Variants in CYP2B6 observed in about 807,000 individuals in gnomAD.
The protein encoded by CYP2B6 is cytochrome P450 2B6.
CYP2B6 carries 35 observed loss-of-function variants against 43.4 expected under a neutral mutation model. That is an observed-to-expected ratio of 0.81 (90% CI 0.62 to 1.07). CYP2B6 has a LOEUF of 1.07. Ranked by LOEUF, CYP2B6 falls within the 50% of genes least tolerant of loss-of-function variation. The pLI is 0.00. For missense variants in CYP2B6, 624 were observed against 632.8 expected, an observed-to-expected ratio of 0.99 and a Z score of 0.15; for synonymous variants, 239 against 239.2, an observed-to-expected ratio of 1.00 and a Z score of 0.01.
intron 3 of CYP2B6, 131 bp from the exon 4 acceptor site, chr19:41,006,774 T>C: frequency 2.4e-6 from 2 of 838,342 alleles, no homozygotes; most frequent in Non-Finnish European, 3.9e-6. Context: ...TGCTGGTACA[T>C]AATTAGCTGT....
intron 5 of CYP2B6, chr19:41,009,648 G>C: frequency 3.3e-6 from 2 of 611,752 alleles, no homozygotes; most frequent in Non-Finnish European, 5.8e-6. Context: ...AAAGACAGAG[G>C]GAGAGAGAGA....
intron 6 of CYP2B6, among the ~76,000 whole-genome samples, chr19:41,010,472 G>T (rs1230086082): frequency 1.4e-5 from 2 of 148,078 alleles, no homozygotes; most frequent in Admixed American, 6.7e-5. Context: ...GGAGTGCAGT[G>T]GCATGCTCTT....
chr19:41,012,452 A>G lies in CYP2B6; in HGVS notation c.1119A>G (p.Gln373=), dbSNP rs1348679853. 1.2e-6 allele frequency: 2 copies of G among 1,613,994 alleles called. No individual in the cohort carries two copies. The highest frequency in any genetic ancestry group is 1.7e-6 in the Non-Finnish European group (2 of 1,179,990). Residue 373 remains glutamine, a synonymous_variant, in exon 7 of 9, where the codon CAA becomes CAG. Transcript: ENST00000324071. ...TGGGTGTGCCCCACATTGTCACCCA[A>G]CACACCAGCTTCCGAGGGTACATCA... is the stretch of plus-strand genomic sequence containing the variant. ...LPMGVPHIVT[Q]HTSFRGYIIP...
chr19:41,003,542 T>C (rs1029133214), intron 1 of CYP2B6, among the ~76,000 whole-genome samples: 1 of 152,300 alleles, frequency 6.6e-6, no homozygotes, highest in Admixed American at 6.5e-5. Context: ...ATAAGAAGTA[T>C]GCGGTGGGGG....
intron 8 of CYP2B6, among the ~76,000 whole-genome samples, chr19:41,013,506 A>C (rs910613341): frequency 1.3e-5 from 2 of 152,230 alleles, no homozygotes; most frequent in Non-Finnish European, 1.5e-5. Flanking sequence ...AACAGCAAGG[A>C]CAAAGGCCAA....
In CYP2B6 at chr19:41,012,417, C is replaced by A. The variant is rs1969299129; in HGVS notation, c.1084C>A (p.Leu362Ile). ...CTATGAGATTCAGAGATTTTCCGAC[C>A]TTCTCCCCATGGGTGTGCCCCACAT... ...VIYEIQRFSD[L>I]LPMGVPHIVT... Residue 362 changes from leucine to isoleucine, a missense_variant, in exon 7 of 9, where the codon CTT becomes ATT. Transcript: ENST00000324071. 1.9e-6 allele frequency: 3 copies of A among 1,613,976 alleles called. No homozygotes were observed. The South Asian group carries it at 3.3e-5, about 18-fold the overall frequency.
At chr19:41,006,326 T>TG (rs386389038) in intron 3 of CYP2B6, among the ~76,000 whole-genome samples, 8 of 3,050 alleles carry the variant, frequency 2.6e-3, no homozygotes, top group African/African-American at 7.3e-3. Flanking sequence ...TCTAGCTACA[T>TG]TTTTTTTTTT....
Position 41,004,152 on chromosome 19 carries a change from T to C in CYP2B6, c.323T>C (p.Phe108Ser), listed in dbSNP as rs1969137931. ...AAAATCGCCATGGTCGACCCATTCT[T>C]CCGGGGATATGGTGAGAGCCTCAGA... The part of the protein sequence containing the change: ...RGKIAMVDPF[F>S]RGYGVIFANG... Residue 108 changes from phenylalanine to serine, a missense_variant, in exon 2 of 9, where the codon TTC becomes TCC. Transcript: ENST00000324071. The C allele has an allele frequency of 7.4e-7, 1 of 1,354,356 alleles. No homozygotes were observed. 83.9% of individuals were successfully genotyped at this position (1,354,356 alleles called of 1,614,324 possible).
intron 5 of CYP2B6, chr19:41,009,705 C>T (rs1969248065): frequency 3.4e-6 from 2 of 595,044 alleles, no homozygotes; most frequent in East Asian, 5.7e-5. Flanking sequence ...AAAAATACAG[C>T]AACAAGAGAA....
rs112848152 is a variant in CYP2B6 at position 41,010,047 on chromosome 19, G to T, written c.876G>T (p.Thr292=). The T allele has an allele frequency of 6.9e-5, 111 of 1,614,060 alleles. 1 individual carries two copies. The African/African-American group carries it at 1.0e-3, about 15-fold the overall frequency. Residue 292 remains threonine (T), a synonymous_variant, in exon 6 of 9, where the codon ACG becomes ACT. Transcript: ENST00000324071. ...EFSHQNLNLN[T]LSLFFAGTET... is the part of the protein sequence containing the mutation. Reference sequence around the variant, plus strand: ...GCCACCAGAACCTCAACCTCAACACGCTCTCGCTCTTCTTTGCTGGCACTG... The same window carrying T: ...GCCACCAGAACCTCAACCTCAACACTCTCTCGCTCTTCTTTGCTGGCACTG...
chr19:41,012,916 A>G, intron 8 of CYP2B6, 101 bp downstream of exon 8: 8 of 1,339,204 alleles, frequency 6.0e-6, no homozygotes, highest in Non-Finnish European at 8.5e-6. Context: ...AGCACTTAAT[A>G]TATTCTGATT....
At chr19:41,012,965 C>G (rs1049772758) in intron 8 of CYP2B6, 150 bp downstream of exon 8, 62 of 921,818 alleles carry the variant, frequency 6.7e-5, no homozygotes, top group Admixed American at 5.8e-4. Flanking sequence ...TCACTACAAC[C>G]CTATAAGGAG....
rs530114280 is a variant in CYP2B6, at chr19:41,009,842, G to A, written c.823-152G>A. On this transcript the variant is annotated intron_variant, in intron 5 of 8. Transcript: ENST00000324071. ...TGAGAGAGATGAGTTAGAGATACGC[G>A]GTTGGATGTGTAGAGGACAGAGAAA... 1,435 of 757,186 alleles carry A rather than the reference G, an allele frequency of 1.9e-3. 3 individuals carry two copies. Among genetic ancestry groups the A allele is most frequent in the Middle Eastern group, 4.1e-3 (18 of 4,410 alleles). The allele number at this position is 757,186 out of a possible 1,614,324, so 46.9% of individuals were successfully genotyped here.
chr19:41,017,912 G>C lies in CYP2B6; in HGVS notation c.*1085G>C, dbSNP rs1441428564. ...TCTGTCTCCCAGGCTGGAGTGCTAT[G>C]GTGCAATTTTTGTTCACTGCAACCT... On this transcript the variant is annotated 3_prime_UTR_variant, in exon 9 of 9. Coordinates refer to ENST00000324071, the MANE Select transcript of CYP2B6 (RefSeq NM_000767.5). 1 of 149,982 alleles carries C rather than the reference G, an allele frequency of 6.7e-6. No homozygotes were observed. The highest frequency in any genetic ancestry group is 1.9e-4 in the East Asian group (1 of 5,138). 9.3% of individuals were successfully genotyped at this position (149,982 alleles called of 1,614,324 possible). A position where few individuals can be genotyped will look rare whatever the true frequency, so the allele number is the denominator to read the frequency against.
intron 1 of CYP2B6, among the ~76,000 whole-genome samples, chr19:41,001,610 G>A (rs1167459884): frequency 6.6e-6 from 1 of 152,110 alleles, no homozygotes; most frequent in Non-Finnish European, 1.5e-5. Context: ...AGGATTAAAT[G>A]GGATATTGCA....
intron 1 of CYP2B6, among the ~76,000 whole-genome samples, chr19:41,001,770 A>C (rs1174664853): frequency 6.6e-6 from 1 of 152,184 alleles, no homozygotes; most frequent in Non-Finnish European, 1.5e-5. Context: ...TGGACAAGAC[A>C]TACGAGGTCA....
chr19:41,012,693 T>A lies in CYP2B6; in HGVS notation c.1172T>A (p.Ile391Asn), dbSNP rs35979566. 7.5e-3 allele frequency: 12,156 copies of A among 1,614,074 alleles called. 74 individuals are homozygous for A. The highest frequency in any genetic ancestry group is 9.7e-3 in the Non-Finnish European group (11,407 of 1,180,004). ...IIPKDTEVFL[I>N]LSTALHDPHY... ...CCTCAGGACACAGAAGTATTTCTCA[T>A]CCTGAGCACTGCTCTCCATGACCCA... Residue 391 changes from isoleucine to asparagine, a missense_variant, in exon 8 of 9, where the codon ATC becomes AAC. Physicochemically the swap from Ile to Asn is moderately radical, Grantham distance 149 (BLOSUM62 -3). Coordinates refer to ENST00000324071, the MANE Select transcript of CYP2B6 (RefSeq NM_000767.5).
intron 4 of CYP2B6, among the ~76,000 whole-genome samples, chr19:41,008,576 C>T (rs1184562878): frequency 1.4e-5 from 2 of 148,082 alleles, no homozygotes; most frequent in African/African-American, 5.1e-5. Flanking sequence ...TGTAACAAGC[C>T]CGACCAGTAA....
chr19:40,998,066 C>T (rs952056001), intron 1 of CYP2B6, among the ~76,000 whole-genome samples: 28 of 152,010 alleles, frequency 1.8e-4, no homozygotes, highest in African/African-American at 6.5e-4. Flanking sequence ...CACGTCACTG[C>T]CCTCCAGCCT....
Sources: allele counts gnomAD v4.1 joint callset (sites outside exome capture counted in the v4.1 genomes callset), GRCh38; gene constraint gnomAD v4.1.1; transcripts MANE v1.5; gene names NCBI Gene and HGNC (gene_info 2026-07-23, HGNC 2026-07-21).